The following SV2B variants were observed in gnomAD, a reference collection of about 807,000 sequenced individuals.
The protein encoded by SV2B is solute carrier family 22 member B2.
Under a neutral mutation model 73.9 loss-of-function variants are expected in SV2B, and 41 were observed. That is an observed-to-expected ratio of 0.56 (90% confidence interval 0.43 to 0.72). SV2B has a LOEUF of 0.72. SV2B is among the 30% of genes least tolerant of loss of function. SV2B has a pLI of 0.00. For missense variants in SV2B, 764 were observed against 857.8 expected, an observed-to-expected ratio of 0.89 and a Z score of 1.37; for synonymous variants, 314 against 314.2, an observed-to-expected ratio of 1.00 and a Z score of 0.01.
rs563629883 is a variant in SV2B, at chr15:91,271,220, T to C, written c.1373+2615T>C. Reference sequence around the variant, plus strand: ...CTGAGGAACATTATGGATGACTAGATGCCTCTCCCCGCCCCACGGGGTGAC... The same window carrying C: ...CTGAGGAACATTATGGATGACTAGACGCCTCTCCCCGCCCCACGGGGTGAC... On this transcript the variant is annotated intron_variant, in intron 9 of 12. Transcript: ENST00000394232. Among the ~76,000 whole-genome samples the C allele has an allele frequency of 2.7e-5, 4 of 149,072 alleles. 1 individual carries two copies. Among genetic ancestry groups the C allele is most frequent in the East Asian group, 1.9e-4 (1 of 5,168 alleles).
intron 1 of SV2B, among the ~76,000 whole-genome samples, chr15:91,218,121 A>T (rs2046096262): frequency 6.6e-6 from 1 of 152,248 alleles, no homozygotes; most frequent in African/African-American, 2.4e-5. Flanking sequence ...TTTATGTGAC[A>T]TGGGAGCCTT....
chr15:91,201,908 A>G (rs1413453761), intron 1 of SV2B, among the ~76,000 whole-genome samples: 1 of 151,720 alleles, frequency 6.6e-6, no homozygotes, highest in Non-Finnish European at 1.5e-5. Flanking sequence ...CCACTCCCCA[A>G]CCCCATCAAA....
intron 1 of SV2B, among the ~76,000 whole-genome samples, chr15:91,219,180 C>T (rs1013978498): frequency 2.0e-5 from 3 of 152,162 alleles, no homozygotes; most frequent in African/African-American, 7.2e-5. Context: ...AACTCCTGGT[C>T]TCAGGTGATC....
intron 1 of SV2B, among the ~76,000 whole-genome samples, chr15:91,126,213 C>T (rs2042478216): frequency 6.6e-6 from 1 of 152,192 alleles, no homozygotes; most frequent in African/African-American, 2.4e-5. Context: ...CTACTGTGCA[C>T]CTGAGGGCAG....
At chr15:91,225,258 A>G (rs564664862) in intron 1 of SV2B, among the ~76,000 whole-genome samples, 1 of 152,282 alleles carries the variant, frequency 6.6e-6, no homozygotes, top group East Asian at 1.9e-4. Flanking sequence ...CCTTTGAACC[A>G]CAATGCTGAG....
At chr15:91,266,845 C>A (rs1375940717) in intron 7 of SV2B, 153 bp downstream of exon 7, 6 of 563,008 alleles carry the variant, frequency 1.1e-5, no homozygotes, top group Non-Finnish European at 1.9e-5. Context: ...GGGCTCCAGC[C>A]CACGTCTGCC....
chr15:91,275,912 A>G (rs1292379734), intron 9 of SV2B, among the ~76,000 whole-genome samples: 2 of 152,154 alleles, frequency 1.3e-5, no homozygotes, highest in African/African-American at 2.4e-5. Flanking sequence ...GATAGGTATT[A>G]TATTTCTTAT....
chr15:91,282,867 C>A (rs909510666), intron 10 of SV2B, among the ~76,000 whole-genome samples: 2 of 152,302 alleles, frequency 1.3e-5, no homozygotes, highest in Middle Eastern at 3.4e-3. Context: ...CCTGAATTTC[C>A]TTTTAGACTG....
intron 1 of SV2B, among the ~76,000 whole-genome samples, chr15:91,213,262 G>A (rs532925232): frequency 6.6e-6 from 1 of 152,164 alleles, no homozygotes; most frequent in Admixed American, 6.5e-5. Flanking sequence ...ATAGACTCAT[G>A]GGCACATTTA....
At position 91,123,325 on chromosome 15, in the gene SV2B, A is replaced by C. The variant is rs1246342729; in HGVS notation, c.-392+22962A>C. On this transcript the variant is annotated intron_variant, in intron 1 of 12. Transcript: ENST00000394232. The surrounding 1 kb of genome is among the most constrained non-coding windows in gnomAD (Gnocchi z 4.7). ...TAGATTTTGTGTTCTTATCATACAC[A>C]CATACACACACAAAAAGATAAGTCT... is the stretch of plus-strand genomic sequence containing the variant. Among the ~76,000 whole-genome samples the C allele has an allele frequency of 6.6e-6, 1 of 152,202 alleles. No individual in the cohort carries two copies. Among genetic ancestry groups the C allele is most frequent in the Non-Finnish European group, 1.5e-5 (1 of 68,030 alleles).
At position 91,253,008 on chromosome 15, in the gene SV2B, C is replaced by T. The variant is rs1228804608; in HGVS notation, c.784+488C>T. 2.6e-5 allele frequency among the ~76,000 whole-genome samples: 4 copies of T among 152,112 alleles called. No individual in the cohort carries two copies. The highest frequency in any genetic ancestry group is 5.9e-5 in the Non-Finnish European group (4 of 68,024). On this transcript the variant is annotated intron_variant, in intron 4 of 12. Transcript: ENST00000394232. This position sits in a 1 kb window ranked among gnomAD's most constrained non-coding sequence, Gnocchi z 5.0. Reference sequence around the variant, plus strand: ...GTGCAGTAGGCTTGTACTCTTTCTGCCCTGGTGCCTGCTGTCACTCTTGTT... The same window carrying T: ...GTGCAGTAGGCTTGTACTCTTTCTGTCCTGGTGCCTGCTGTCACTCTTGTT...
Position 91,265,130 on chromosome 15 carries a change from C to T in SV2B, c.1009-1452C>T, listed in dbSNP as rs1025401578. On this transcript the variant is annotated intron_variant, in intron 6 of 12. Transcript: ENST00000394232. The surrounding 1 kb of genome is among the most constrained non-coding windows in gnomAD (Gnocchi z 4.2). ...GCTTGAAGGTGTTACCTGTTTTACTCCTGTGCGTGTCCCATCAGCAGACGT... is the reference window on the plus strand; with the variant it reads ...GCTTGAAGGTGTTACCTGTTTTACTTCTGTGCGTGTCCCATCAGCAGACGT... Among the ~76,000 whole-genome samples the T allele has an allele frequency of 6.6e-6, 1 of 152,190 alleles. No individual in the cohort carries two copies. The highest frequency in any genetic ancestry group is 1.5e-5 in the Non-Finnish European group (1 of 68,048).
intron 2 of SV2B, among the ~76,000 whole-genome samples, chr15:91,243,593 C>T (rs2047108073): frequency 6.6e-6 from 1 of 152,158 alleles, no homozygotes; most frequent in Non-Finnish European, 1.5e-5. Context: ...AAGACACAGC[C>T]AGGAACCTGG....
chr15:91,200,639 G>T (rs181282148), intron 1 of SV2B, among the ~76,000 whole-genome samples: 1 of 152,112 alleles, frequency 6.6e-6, no homozygotes, highest in Non-Finnish European at 1.5e-5. Context: ...GGCTTGGCAC[G>T]GTGGCTCACA....
At chr15:91,291,600 C>T (rs1041389972) in intron 12 of SV2B, among the ~76,000 whole-genome samples, 3 of 152,206 alleles carry the variant, frequency 2.0e-5, no homozygotes, top group Non-Finnish European at 4.4e-5. Context: ...CTGTTGCTGA[C>T]AGCAACCTCA....
chr15:91,259,938 T>C (rs1382135471), intron 5 of SV2B, among the ~76,000 whole-genome samples: 2 of 152,178 alleles, frequency 1.3e-5, no homozygotes, highest in African/African-American at 4.8e-5. Context: ...CTTCACCATA[T>C]CTTTTTTTGG....
chr15:91,135,966 C>T (rs916982932), intron 1 of SV2B, among the ~76,000 whole-genome samples: 2 of 152,316 alleles, frequency 1.3e-5, no homozygotes, highest in African/African-American at 2.4e-5. Flanking sequence ...GGCAAGAGAA[C>T]CACACGATTG....
chr15:91,107,263 G>A (rs980070605), intron 1 of SV2B, among the ~76,000 whole-genome samples: 2 of 148,410 alleles, frequency 1.3e-5, no homozygotes, highest in African/African-American at 5.0e-5. Context: ...GACAGAACTG[G>A]GTTTGCACTC....
rs2045005465 is a variant in SV2B at position 91,191,071 on chromosome 15, T to TTTTTTTTTTTTTTC, written c.-391-34789_-391-34788insCTTTTTTTTTTTTT. ...TGGTTTTTTTGGTGTTTCTTTTTTTTTTTTTTTTTTTTTGACAGAGTCTTG... is the reference window on the plus strand; with the variant it reads ...TGGTTTTTTTGGTGTTTCTTTTTTTTTTTTTTTTTTTTTCTTTTTTTTTTTTTGACAGAGTCTTG... On this transcript the variant is annotated intron_variant, in intron 1 of 12. Transcript: ENST00000394232. Among the ~76,000 whole-genome samples the TTTTTTTTTTTTTTC allele has an allele frequency of 1.6e-5, 2 of 129,000 alleles. 1 individual carries two copies. Among genetic ancestry groups the TTTTTTTTTTTTTTC allele is most frequent in the African/African-American group, 5.9e-5 (2 of 33,638 alleles). 84.6% of individuals were successfully genotyped at this position (129,000 alleles called of 152,430 possible).
Sources: allele counts gnomAD v4.1 joint callset (sites outside exome capture counted in the v4.1 genomes callset), GRCh38; gene constraint gnomAD v4.1.1; non-coding constraint Gnocchi (gnomAD v3.1); transcripts MANE v1.5; gene names NCBI Gene and HGNC (gene_info 2026-07-23, HGNC 2026-07-21).